Variants in UBR2 observed in about 807,000 individuals in gnomAD.
UBR2 encodes the protein ubiquitin protein ligase E3 component n-recognin 2.
In UBR2, 92 loss-of-function variants were observed where a neutral mutation model predicts 247.9. The observed-to-expected ratio is 0.37, with a 90% CI of 0.31 to 0.44. UBR2 has a LOEUF of 0.44. UBR2 is among the 20% of genes least tolerant of loss of function. The pLI is 1.00. For missense variants in UBR2, 1,613 were observed against 2,112.6 expected (o/e 0.76, Z 4.64); for synonymous variants, 672 against 693.5 (o/e 0.97, Z 0.49).
intron 23 of UBR2, 123 bp downstream of exon 23, chr6:42,650,509 G>T (rs1194961200): frequency 1.4e-6 from 1 of 724,926 alleles, no homozygotes; most frequent in Non-Finnish European, 2.2e-6. Flanking sequence ...ATAGAGCATT[G>T]CAACCTCAAA....
At position 42,692,945 on chromosome 6, in the gene UBR2, G is replaced by A. The variant is rs1198205974; in HGVS notation, c.*1772G>A. On this transcript the variant is annotated 3_prime_UTR_variant, in exon 47 of 47. Coordinates refer to ENST00000372901, the MANE Select transcript of UBR2 (RefSeq NM_001363705.2). ...TTCATTCATAAGATCTGGTTGTTTG[G>A]GCTGTAGGTGGCATAATTCATGTTT... 6.6e-6 allele frequency: 1 copy of A among 152,092 alleles called. No individual in the cohort carries two copies. The highest frequency in any genetic ancestry group is 1.5e-5 in the Non-Finnish European group (1 of 68,018). The allele number at this position is 152,092 out of a possible 1,614,324, so 9.4% of individuals were successfully genotyped here. A position where few individuals can be genotyped will look rare whatever the true frequency, so the allele number is the denominator to read the frequency against.
At chr6:42,584,428 T>G (rs900984639) in intron 2 of UBR2, among the ~76,000 whole-genome samples, 1 of 152,264 alleles carries the variant, frequency 6.6e-6, no homozygotes, top group East Asian at 1.9e-4. Context: ...TGCAGCTTTA[T>G]AATAAGTCTT....
At chr6:42,629,658 A>G (rs1337141522) in intron 11 of UBR2, among the ~76,000 whole-genome samples, 1 of 152,124 alleles carries the variant, frequency 6.6e-6, no homozygotes, top group African/African-American at 2.4e-5. Context: ...CTCTGTCTCA[A>G]AAAAATATAT....
intron 4 of UBR2, among the ~76,000 whole-genome samples, chr6:42,597,518 C>G (rs1004371572): frequency 6.6e-6 from 1 of 151,632 alleles, no homozygotes; most frequent in African/African-American, 2.4e-5. Context: ...ATCACCAAAG[C>G]CAGGGGAGAT....
intron 44 of UBR2, among the ~76,000 whole-genome samples, chr6:42,687,401 G>T (rs1467657927): frequency 6.6e-6 from 1 of 152,214 alleles, no homozygotes; most frequent in Non-Finnish European, 1.5e-5. Context: ...GGAGAATCAG[G>T]CAGGGAGGTT....
At chr6:42,629,062 G>A (rs754612551) in intron 11 of UBR2, among the ~76,000 whole-genome samples, 4 of 151,922 alleles carry the variant, frequency 2.6e-5, no homozygotes, top group Non-Finnish European at 5.9e-5. Context: ...TGTCATCCAC[G>A]CTGGAGTGCA....
At chr6:42,626,384 T>C (rs1456953838) in intron 11 of UBR2, among the ~76,000 whole-genome samples, 2 of 152,176 alleles carry the variant, frequency 1.3e-5, no homozygotes, top group Non-Finnish European at 2.9e-5. Context: ...CAAATGAACT[T>C]AGGTAATAAA....
intron 18 of UBR2, 62 bp downstream of exon 18, chr6:42,642,543 A>T: frequency 7.1e-7 from 1 of 1,409,978 alleles, no homozygotes; most frequent in Non-Finnish European, 9.9e-7. Context: ...TGTTATTTCC[A>T]TAGAATTCAG....
At chr6:42,663,489 A>G (rs7774910) in intron 32 of UBR2, 70 bp downstream of exon 32, 32 of 1,474,038 alleles carry the variant, frequency 2.2e-5, no homozygotes, top group African/African-American at 2.9e-5. Flanking sequence ...TAATAAATCA[A>G]GGAGGAAAAC....
At chr6:42,622,821 T>C (rs991617242) in intron 11 of UBR2, among the ~76,000 whole-genome samples, 11 of 150,024 alleles carry the variant, frequency 7.3e-5, no homozygotes, top group Non-Finnish European at 3.0e-5. Context: ...CCACATTCAT[T>C]TATTCTAATG....
chr6:42,579,779 A>ATTAC, intron 2 of UBR2, among the ~76,000 whole-genome samples: 1 of 152,186 alleles, frequency 6.6e-6, no homozygotes, highest in African/African-American at 2.4e-5. Context: ...AAGTGCTGGG[A>ATTAC]TTACAGGTGT....
chr6:42,691,350 G>A lies in UBR2; in HGVS notation c.*177G>A. ...TCATCTTCCATCAGCAGATTTTCTT[G>A]CACTGTTTGCTGTGCCCCTCAAATA... On this transcript the variant is annotated 3_prime_UTR_variant, in exon 47 of 47. Coordinates refer to ENST00000372901, the MANE Select transcript of UBR2 (RefSeq NM_001363705.2). The A allele has an allele frequency of 1.2e-6, 1 of 818,606 alleles. No homozygotes were observed. The highest frequency in any genetic ancestry group is 1.8e-5 in the South Asian group (1 of 55,668). 50.7% of individuals were successfully genotyped at this position (818,606 alleles called of 1,614,324 possible).
rs1247036548 is a variant in UBR2 at position 42,619,443 on chromosome 6, ATATATATATATT to A, written c.1281+1938_1281+1949del. On this transcript the variant is annotated intron_variant, in intron 11 of 46. Transcript: ENST00000372901. ...TATATATATATATATATATATATAT[ATATATATATATT>A]TTTTTTTTTTAGTTCTCTATCTCTG... 3.0e-3 allele frequency: 87 copies of A among 29,346 alleles called. 9 individuals carry two copies. Among genetic ancestry groups the A allele is most frequent in the Middle Eastern group, 0.029 (2 of 70 alleles). 1.8% of individuals were successfully genotyped at this position (29,346 alleles called of 1,614,324 possible).
intron 4 of UBR2, among the ~76,000 whole-genome samples, chr6:42,599,818 C>G (rs1793244039): frequency 1.3e-5 from 2 of 151,992 alleles, no homozygotes; most frequent in Admixed American, 1.3e-4. Flanking sequence ...AGGCTGATCT[C>G]AAACTCCTGG....
chr6:42,614,535 A>G (rs986835419), intron 8 of UBR2, among the ~76,000 whole-genome samples: 1 of 151,858 alleles, frequency 6.6e-6, no homozygotes, highest in Non-Finnish European at 1.5e-5. Context: ...TTTACATTTA[A>G]AAGGTTGTAG....
At chr6:42,673,987 A>T in intron 37 of UBR2, 100 bp downstream of exon 37, 1 of 1,264,202 alleles carries the variant, frequency 7.9e-7, no homozygotes, top group Non-Finnish European at 1.1e-6. Context: ...AATATTTAGT[A>T]GTACTGGTTT....
chr6:42,679,564 G>A (rs963318196), intron 41 of UBR2, among the ~76,000 whole-genome samples, 160 bp from the exon 42 acceptor site: 1 of 152,266 alleles, frequency 6.6e-6, no homozygotes, highest in African/African-American at 2.4e-5. Context: ...ATTTTCCATG[G>A]ATTCCTTCCA....
intron 21 of UBR2, among the ~76,000 whole-genome samples, chr6:42,647,293 G>T (rs1172510468): frequency 6.6e-6 from 1 of 151,898 alleles, no homozygotes; most frequent in African/African-American, 2.4e-5. Flanking sequence ...AGTGGTTTAA[G>T]ATTGTCGGCC....
chr6:42,640,383 G>GGTGTGTGTGTGTGTGTGTGTGT, intron 16 of UBR2, 113 bp downstream of exon 16: 1 of 171,016 alleles, frequency 5.8e-6, no homozygotes, highest in South Asian at 5.9e-5. Context: ...GAACCAGTAA[G>GGTGTGTGTGTGTGTGTGTGTGT]GTGTGTGTGT....
Sources: gnomAD v4.1 joint callset for allele counts (sites outside exome capture counted in the v4.1 genomes callset) on GRCh38, gnomAD v4.1.1 for gene constraint, MANE v1.5 for transcripts, NCBI Gene and HGNC (gene_info 2026-07-23, HGNC 2026-07-21) for gene names.